The following DAB1 variants were observed in gnomAD, a reference collection of about 807,000 sequenced individuals.
DAB1 encodes the protein disabled homolog 1.
A neutral mutation model predicts 64.6 loss-of-function variants in DAB1; 15 were observed. The ratio of observed to expected loss-of-function variants is 0.23; its 90% confidence interval spans 0.16 to 0.36. The LOEUF (loss-of-function observed/expected upper bound fraction) is 0.36. Among genes scored for constraint, DAB1 ranks in the 10% least tolerant of loss-of-function variants. The pLI is 1.00. For missense variants in DAB1, 596 were observed against 706.7 expected (o/e 0.84, Z 1.78); for synonymous variants, 235 against 251.9 (o/e 0.93, Z 0.64).
At chr1:57,469,993 T>C (rs1687085538) in intron 7 of DAB1, among the ~76,000 whole-genome samples, 1 of 152,214 alleles carries the variant, frequency 6.6e-6, no homozygotes, top group African/African-American at 2.4e-5. Flanking sequence ...CATCCCACAC[T>C]TGAGGAAATG....
At chr1:57,572,835 C>A (rs534245560) in intron 7 of DAB1, among the ~76,000 whole-genome samples, 1 of 152,060 alleles carries the variant, frequency 6.6e-6, no homozygotes, top group Non-Finnish European at 1.5e-5. Flanking sequence ...GAAGGGGGAG[C>A]AGACACATCA....
chr1:58,074,082 T>C (rs1381099553), intron 5 of DAB1, among the ~76,000 whole-genome samples: 1 of 152,206 alleles, frequency 6.6e-6, no homozygotes, highest in Non-Finnish European at 1.5e-5. Flanking sequence ...CATGAGCCGG[T>C]AAATTCCACT....
At chr1:57,132,914 T>C (rs1570751399) in intron 4 of DAB1, among the ~76,000 whole-genome samples, 1 of 152,152 alleles carries the variant, frequency 6.6e-6, no homozygotes, top group Non-Finnish European at 1.5e-5. Context: ...AATGATTTTA[T>C]AAAATCATTT....
At chr1:57,505,388 C>G (rs892138584) in intron 7 of DAB1, among the ~76,000 whole-genome samples, 3 of 152,138 alleles carry the variant, frequency 2.0e-5, no homozygotes, top group Non-Finnish European at 4.4e-5. Flanking sequence ...GTTAATAAAG[C>G]TCAGAACCAG....
At chr1:57,219,330 A>G (rs565746972) in intron 2 of DAB1, among the ~76,000 whole-genome samples, 2 of 152,204 alleles carry the variant, frequency 1.3e-5, no homozygotes, top group East Asian at 3.9e-4. Flanking sequence ...AGAATAAAAG[A>G]TAGCCTTTCC....
intron 5 of DAB1, among the ~76,000 whole-genome samples, chr1:57,906,228 T>C (rs747869169): frequency 6.6e-6 from 1 of 152,196 alleles, no homozygotes; most frequent in Non-Finnish European, 1.5e-5. Flanking sequence ...CAATAAAGAG[T>C]ATACGATAAC....
chr1:57,107,558 G>A (rs764913020), intron 4 of DAB1, among the ~76,000 whole-genome samples: 2 of 151,930 alleles, frequency 1.3e-5, no homozygotes, highest in Non-Finnish European at 2.9e-5. Context: ...AGTGTGATAC[G>A]TGCCGTCCTG....
At chr1:57,073,262 A>G (rs747496791) in intron 4 of DAB1, among the ~76,000 whole-genome samples, 10 of 152,152 alleles carry the variant, frequency 6.6e-5, no homozygotes, top group Non-Finnish European at 1.2e-4. Flanking sequence ...ATATATTTAC[A>G]TGATTCCTTG....
At chr1:57,125,108 C>G (rs946621204) in intron 4 of DAB1, among the ~76,000 whole-genome samples, 5 of 152,216 alleles carry the variant, frequency 3.3e-5, no homozygotes, top group African/African-American at 1.2e-4. Context: ...TCATCTCTCA[C>G]CATCTCAGCA....
At chr1:57,775,474 A>G (rs1210245334) in intron 6 of DAB1, among the ~76,000 whole-genome samples, 1 of 151,600 alleles carries the variant, frequency 6.6e-6, no homozygotes, top group Non-Finnish European at 1.5e-5. Context: ...TTTTCATTGT[A>G]ATGCACTTTA....
intron 3 of DAB1, among the ~76,000 whole-genome samples, chr1:58,366,951 T>C (rs1246381797): frequency 6.6e-6 from 1 of 152,258 alleles, no homozygotes; most frequent in Admixed American, 6.5e-5. Flanking sequence ...CAAACAATAT[T>C]TTAACATTTC....
intron 1 of DAB1, among the ~76,000 whole-genome samples, chr1:57,370,482 T>A (rs1373133046): frequency 6.6e-6 from 1 of 152,152 alleles, no homozygotes; most frequent in Admixed American, 6.6e-5. Context: ...CCAATTTAGG[T>A]CCAATGTTTT....
chr1:57,792,987 T>C (rs1650674668), intron 6 of DAB1, among the ~76,000 whole-genome samples: 1 of 152,244 alleles, frequency 6.6e-6, no homozygotes, highest in Non-Finnish European at 1.5e-5. Flanking sequence ...ATCACAAAGC[T>C]AATCTTTTCC....
chr1:57,904,702 C>T (rs1205304892), intron 5 of DAB1, among the ~76,000 whole-genome samples: 5 of 152,132 alleles, frequency 3.3e-5, no homozygotes, highest in Admixed American at 1.3e-4. Flanking sequence ...GAGGGAAGAA[C>T]AAGGGCAGAG....
chr1:58,527,513 G>A (rs1438150882), intron 1 of DAB1, among the ~76,000 whole-genome samples: 2 of 152,048 alleles, frequency 1.3e-5, no homozygotes, highest in African/African-American at 4.8e-5. Context: ...TTATTTCCCT[G>A]ATTAGAAATA....
intron 7 of DAB1, among the ~76,000 whole-genome samples, chr1:57,515,280 T>C (rs1644450780): frequency 6.6e-6 from 1 of 152,162 alleles, no homozygotes; most frequent in Non-Finnish European, 1.5e-5. Flanking sequence ...TCCCCTGAAA[T>C]ATTAAAAGGG....
intron 3 of DAB1, among the ~76,000 whole-genome samples, chr1:58,491,717 A>C (rs1645694652): frequency 1.3e-5 from 2 of 152,248 alleles, no homozygotes; most frequent in African/African-American, 4.8e-5. Flanking sequence ...AGAGCTAACT[A>C]TCCTAAATAT....
intron 1 of DAB1, among the ~76,000 whole-genome samples, chr1:57,312,937 C>G (rs774384224): frequency 9.2e-5 from 14 of 152,096 alleles, no homozygotes; most frequent in Non-Finnish European, 1.6e-4. Context: ...ACTGAACTGT[C>G]CACTTTAACA....
At chr1:58,520,890 C>CA (rs1346993539) in intron 2 of DAB1, among the ~76,000 whole-genome samples, 5 of 151,154 alleles carry the variant, frequency 3.3e-5, no homozygotes, top group African/African-American at 7.3e-5. Context: ...TTGATAACTA[C>CA]AAAAAAAAGG....
Sources: allele counts gnomAD v4.1 joint callset (sites outside exome capture counted in the v4.1 genomes callset), GRCh38; gene constraint gnomAD v4.1.1; transcripts MANE v1.5; gene names NCBI Gene and HGNC (gene_info 2026-07-23, HGNC 2026-07-21).